DNA2: variants seen among roughly 807,000 people sequenced by gnomAD.
DNA2 encodes DNA replication ATP-dependent helicase/nuclease DNA2.
In DNA2, 101 loss-of-function variants were observed where a neutral mutation model predicts 119.1. The ratio of observed to expected loss-of-function variants is 0.85; its 90% CI spans 0.72 to 1.00. DNA2 has a LOEUF of 1.00. DNA2 is among the 50% of genes least tolerant of loss of function. The pLI is 0.00. For synonymous variants in DNA2, 366 were observed against 424.4 expected, an observed-to-expected ratio of 0.86 and a Z score of 1.69; for missense variants, 1,121 against 1,255.5, an observed-to-expected ratio of 0.89 and a Z score of 1.62.
chr10:68,447,543 G>A (rs1042579043), intron 6 of DNA2, among the ~76,000 whole-genome samples: 2 of 137,308 alleles, frequency 1.5e-5, no homozygotes, highest in Non-Finnish European at 3.1e-5. Context: ...AAAAAAATTA[G>A]CCAGGCATGG....
At position 68,444,759 on chromosome 10, in the gene DNA2, G is replaced by T. The variant is rs4237318; in HGVS notation, c.1220+162C>A. Among the ~76,000 whole-genome samples the T allele has an allele frequency of 0.3, 44,136 of 148,384 alleles. 7,960 individuals are homozygous for T. The highest frequency in any genetic ancestry group is 0.49 in the African/African-American group (19,580 of 39,954). ...AAAAAAAAAGAAAGAAAGTACTGTG[G>T]TTTTTTTTCTATTATCTTAATTTTA... On this transcript the variant is annotated intron_variant, in intron 8 of 20. Transcript: ENST00000358410.
rs764543304 is a variant in DNA2 at position 68,430,593 on chromosome 10, T to C, written c.2051A>G (p.Asn684Ser). The C allele has an allele frequency of 1.2e-6, 2 of 1,607,664 alleles. No individual in the cohort carries two copies. Among genetic ancestry groups the C allele is most frequent in the Non-Finnish European group, 1.7e-6 (2 of 1,176,868 alleles). ...LTSYTHSAVD[N>S]ILLKLAKFKI... is the part of the protein sequence containing the mutation. Reference sequence around the variant, plus strand: ...AAACTTGGCTAACTTCAAAAGAATATTGTCAACAGCAGAGTGTGTATAGCT... The same window carrying C: ...AAACTTGGCTAACTTCAAAAGAATACTGTCAACAGCAGAGTGTGTATAGCT... Residue 684 changes from asparagine to serine, a missense_variant, in exon 14 of 21, where the codon AAT becomes AGT. By Grantham distance (46) the Asn-to-Ser change is conservative. Transcript: ENST00000358410.
At position 68,459,114 on chromosome 10, in the gene DNA2, G is replaced by A; in HGVS notation, c.709C>T (p.Gln237Ter). 6.3e-7 allele frequency: 1 copy of A among 1,597,646 alleles called. No individual in the cohort carries two copies. Among genetic ancestry groups the A allele is most frequent in the Non-Finnish European group, 8.5e-7 (1 of 1,171,852 alleles). The change falls in exon 5 of 21, where the codon CAG becomes TAG. Residue 237 changes from glutamine (Q) to a stop codon, truncating the protein, a stop_gained. Coordinates refer to ENST00000358410, the MANE Select transcript of DNA2 (RefSeq NM_001080449.3). LOFTEE classifies it high-confidence loss of function. Reference sequence around the variant, plus strand: ...AAATGTGTTTCTTACAGAGAGAGCTGCATCTGAGGGAAGTCAGTCGAAGTG... The same window carrying A: ...AAATGTGTTTCTTACAGAGAGAGCTACATCTGAGGGAAGTCAGTCGAAGTG... ...KNTSTDFPQM[Q>*]LSLPSDNSKD...
chr10:68,443,071 C>A lies in DNA2; in HGVS notation c.1261G>T (p.Val421Leu), dbSNP rs1375913068. ...TCTTCTTCTATTTTGGGCAGCATCA[C>A]AATTGGGACTGAACTACAATCCATC... is the stretch of plus-strand genomic sequence containing the variant. ...QQMDCSSVPIVMLPKIEEETQ... is the reference protein window; with the variant it reads ...QQMDCSSVPILMLPKIEEETQ... The change falls in exon 9 of 21, where the codon GTG (valine) becomes TTG (leucine). Residue 421 changes from valine (V) to leucine (L), a missense_variant. Coordinates refer to ENST00000358410, the MANE Select transcript of DNA2 (RefSeq NM_001080449.3). The A allele has an allele frequency of 6.3e-7, 1 of 1,584,230 alleles. No individual in the cohort carries two copies. Among genetic ancestry groups the A allele is most frequent in the African/African-American group, 1.3e-5 (1 of 74,498 alleles).
intron 6 of DNA2, among the ~76,000 whole-genome samples, chr10:68,447,560 G>GC (rs1219276989): frequency 6.7e-6 from 1 of 150,298 alleles, no homozygotes; most frequent in African/African-American, 2.5e-5. Flanking sequence ...ATGGTGATGT[G>GC]CGTCCATAGT....
chr10:68,452,012 T>C (rs1405565877), intron 5 of DNA2, among the ~76,000 whole-genome samples: 1 of 152,142 alleles, frequency 6.6e-6, no homozygotes, highest in Non-Finnish European at 1.5e-5. Context: ...ATGGAAGATA[T>C]GTATCCTTCC....
chr10:68,421,179 A>G (rs200939755), intron 17 of DNA2, among the ~76,000 whole-genome samples: 16 of 150,962 alleles, frequency 1.1e-4, no homozygotes, highest in Middle Eastern at 3.4e-3. Context: ...CCAGTGATCC[A>G]CCCCCCTCGG....
Position 68,430,667 on chromosome 10 carries a change from A to T in DNA2, c.1984-7T>A. The T allele has an allele frequency of 6.5e-7, 1 of 1,533,972 alleles. No homozygotes were observed. The highest frequency in any genetic ancestry group is 1.2e-5 in the South Asian group (1 of 80,360). On this transcript the variant is annotated splice_region_variant and splice_polypyrimidine_tract_variant and intron_variant, in intron 13 of 20. Coordinates refer to ENST00000358410, the MANE Select transcript of DNA2 (RefSeq NM_001080449.3). ...AGGCGTAGAGAATTCTTACCTAATA[A>T]TGGGTAAGAGAAAAAAGAAAAAACA...
rs1199640760 is a variant in DNA2 at position 68,431,890 on chromosome 10, G to C, written c.1955C>G (p.Thr652Arg). Residue 652 changes from threonine to arginine, a missense_variant, in exon 13 of 21, where the codon ACA (threonine) becomes AGA (arginine). Thr to Arg is a moderately conservative substitution (Grantham distance 71, BLOSUM62 -1). Coordinates refer to ENST00000358410, the MANE Select transcript of DNA2 (RefSeq NM_001080449.3). ...DYTLIVGMPG[T>R]GKTTTICTLV... ...AGTACATATCGTAGTTGTTTTTCCT[G>C]TCCCAGGCATACCCACGATGAGTGT... 6.2e-7 allele frequency: 1 copy of C among 1,613,360 alleles called. No individual in the cohort carries two copies. Among genetic ancestry groups the C allele is most frequent in the East Asian group, 2.2e-5 (1 of 44,858 alleles).
At chr10:68,424,608 C>T (rs936328580) in intron 14 of DNA2, 5 of 1,413,286 alleles carry the variant, frequency 3.5e-6, no homozygotes, top group East Asian at 2.3e-5. Flanking sequence ...AAACCGCAAA[C>T]GTCACTTCCA....
chr10:68,433,989 C>T (rs1392696486), intron 10 of DNA2, among the ~76,000 whole-genome samples: 1 of 152,134 alleles, frequency 6.6e-6, no homozygotes, highest in Non-Finnish European at 1.5e-5. Flanking sequence ...AAAAGGCTTC[C>T]CTTGGGCTGG....
intron 5 of DNA2, among the ~76,000 whole-genome samples, chr10:68,451,096 T>TTA (rs1554907841): frequency 1.0e-5 from 1 of 98,848 alleles, no homozygotes; most frequent in Non-Finnish European, 2.1e-5. Context: ...CAAGACTGTC[T>TTA]AAAAAAAAAA....
chr10:68,448,484 A>G (rs1329485891), intron 6 of DNA2, among the ~76,000 whole-genome samples: 1 of 152,194 alleles, frequency 6.6e-6, no homozygotes, highest in East Asian at 1.9e-4. Flanking sequence ...CATACCCAAC[A>G]TAATAATGAA....
At chr10:68,464,897 G>A (rs2052308703) in intron 4 of DNA2, among the ~76,000 whole-genome samples, 1 of 142,646 alleles carries the variant, frequency 7.0e-6, no homozygotes. Context: ...TGTACCTGTT[G>A]TTCCAGATAC....
intron 17 of DNA2, among the ~76,000 whole-genome samples, chr10:68,421,825 T>TTC (rs2051669213): frequency 6.6e-6 from 1 of 151,518 alleles, no homozygotes; most frequent in Non-Finnish European, 1.5e-5. Context: ...CCTTTTTTTT[T>TTC]CCCCCCAAGA....
chr10:68,439,089 C>T (rs1046542381), intron 9 of DNA2, among the ~76,000 whole-genome samples: 3 of 150,386 alleles, frequency 2.0e-5, no homozygotes, highest in African/African-American at 7.3e-5. Flanking sequence ...AAACAAGTTA[C>T]GTTTTACATA....
chr10:68,468,097 A>G, intron 3 of DNA2, 26 bp downstream of exon 3: 1 of 1,493,944 alleles, frequency 6.7e-7, no homozygotes, highest in South Asian at 1.5e-5. Flanking sequence ...GACCCTGCAG[A>G]AACATTAACT....
chr10:68,460,030 T>TACACACACACACACACACACAC (rs150226727), intron 4 of DNA2, among the ~76,000 whole-genome samples: 2 of 145,702 alleles, frequency 1.4e-5, no homozygotes, highest in African/African-American at 2.5e-5. Flanking sequence ...CCATCACAAA[T>TACACACACACACACACACACAC]ACACACACAC....
At chr10:68,445,631 C>A (rs1009877321) in intron 7 of DNA2, among the ~76,000 whole-genome samples, 1 of 151,974 alleles carries the variant, frequency 6.6e-6, no homozygotes, top group Non-Finnish European at 1.5e-5. Flanking sequence ...TTTCTGTTCA[C>A]TTGATAAATT....
Sources: gnomAD v4.1 joint callset for allele counts (sites outside exome capture counted in the v4.1 genomes callset) on GRCh38, gnomAD v4.1.1 for gene constraint, MANE v1.5 for transcripts, NCBI Gene and HGNC (gene_info 2026-07-23, HGNC 2026-07-21) for gene names.